L3MBTL4: variants seen among roughly 807,000 people sequenced by gnomAD.
L3MBTL4 encodes the protein L3MBTL histone methyl-lysine binding protein 4.
A neutral mutation model predicts 84.5 loss-of-function variants in L3MBTL4; 70 were observed. The observed-to-expected ratio is 0.83, with a 90% CI of 0.68 to 1.01. L3MBTL4 has a LOEUF of 1.01. Ranked by LOEUF, L3MBTL4 falls within the 50% of genes least tolerant of loss-of-function variation. The pLI is 0.00. For synonymous variants in L3MBTL4, 274 were observed against 259.8 expected (o/e 1.05, Z -0.52); for missense variants, 715 against 754.8 (o/e 0.95, Z 0.62).
intron 1 of L3MBTL4, chr18:6,396,577 T>A (rs1481086377): frequency 1.3e-5 from 2 of 152,260 alleles, no homozygotes; most frequent in East Asian, 3.8e-4. Context: ...TGTGACCATG[T>A]GGAAACCACC....
intron 16 of L3MBTL4, among the ~76,000 whole-genome samples, chr18:5,983,349 T>G (rs2053323143): frequency 6.6e-6 from 1 of 152,190 alleles, no homozygotes; most frequent in South Asian, 2.1e-4. Flanking sequence ...GAGCAAATGC[T>G]TAAAGACTAC....
At chr18:5,986,633 A>G (rs1029516481) in intron 16 of L3MBTL4, among the ~76,000 whole-genome samples, 1 of 152,240 alleles carries the variant, frequency 6.6e-6, no homozygotes. Context: ...TAAAAACAAA[A>G]CCAATAGTTC....
intron 14 of L3MBTL4, among the ~76,000 whole-genome samples, chr18:6,129,104 T>C (rs1430212631): frequency 6.6e-6 from 1 of 152,062 alleles, no homozygotes; most frequent in African/African-American, 2.4e-5. Flanking sequence ...GGGCCCAAAG[T>C]GTTCCCACAG....
intron 4 of L3MBTL4, among the ~76,000 whole-genome samples, chr18:6,283,568 CAT>C (rs1261207004): frequency 1.3e-5 from 2 of 151,292 alleles, no homozygotes; most frequent in Admixed American, 6.6e-5. Context: ...AAAATATGAG[CAT>C]CTACACCAAA....
chr18:6,093,343 G>T lies in L3MBTL4; in HGVS notation c.1373+12C>A. 6.3e-7 allele frequency: 1 copy of T among 1,582,136 alleles called. No individual in the cohort carries two copies. The highest frequency in any genetic ancestry group is 1.2e-5 in the South Asian group (1 of 85,160). The stretch of plus-strand genomic sequence containing the variant: ...TTTACTTTCTGGCTCACATTTTTAA[G>T]AAGTTTCTTACCTGGGCTGACTGTT... On this transcript the variant is annotated intron_variant, in intron 15 of 18. Coordinates refer to ENST00000317931, the MANE Select transcript of L3MBTL4 (RefSeq NM_001330559.2).
At chr18:6,018,423 C>T (rs182017656) in intron 16 of L3MBTL4, among the ~76,000 whole-genome samples, 1 of 152,240 alleles carries the variant, frequency 6.6e-6, no homozygotes, top group East Asian at 1.9e-4. Flanking sequence ...AAGGCTAGAA[C>T]CATGGGAAAT....
At chr18:6,012,844 C>A (rs1255549290) in intron 16 of L3MBTL4, among the ~76,000 whole-genome samples, 1 of 152,082 alleles carries the variant, frequency 6.6e-6, no homozygotes, top group Middle Eastern at 3.2e-3. Flanking sequence ...TCTTGTGGGT[C>A]TGTGCACTTT....
chr18:6,371,793 T>C (rs1030563242), intron 1 of L3MBTL4, among the ~76,000 whole-genome samples: 2 of 152,224 alleles, frequency 1.3e-5, no homozygotes, highest in African/African-American at 4.8e-5. Flanking sequence ...TTGTTCTTGG[T>C]TTCAGAACAC....
intron 7 of L3MBTL4, among the ~76,000 whole-genome samples, chr18:6,242,487 T>A (rs927376841): frequency 1.3e-5 from 2 of 152,144 alleles, no homozygotes. Flanking sequence ...AAGGGCTCCA[T>A]AAATACCTAC....
chr18:6,071,544 G>A (rs2057600055), intron 16 of L3MBTL4, among the ~76,000 whole-genome samples: 1 of 151,522 alleles, frequency 6.6e-6, no homozygotes, highest in Admixed American at 6.6e-5. Flanking sequence ...GCTGAGGTAA[G>A]AGGATTGCTT....
At chr18:6,031,993 TTTGAGACG>T in intron 16 of L3MBTL4, 1 of 368,772 alleles carries the variant, frequency 2.7e-6, no homozygotes, top group South Asian at 1.1e-4. Flanking sequence ...TCTTTTTTTT[TTTGAGACG>T]GAGTCTTGCT....
At chr18:6,148,108 G>C (rs1448693888) in intron 13 of L3MBTL4, among the ~76,000 whole-genome samples, 1 of 152,122 alleles carries the variant, frequency 6.6e-6, no homozygotes, top group Non-Finnish European at 1.5e-5. Flanking sequence ...TTAGGAACAA[G>C]AAAGTGAAGA....
intron 14 of L3MBTL4, among the ~76,000 whole-genome samples, chr18:6,120,604 C>T (rs1395290223): frequency 6.6e-6 from 1 of 152,174 alleles, no homozygotes; most frequent in Non-Finnish European, 1.5e-5. Flanking sequence ...AACATAAACC[C>T]AGAGGCCCCT....
At chr18:6,136,033 G>A (rs2144606432) in intron 14 of L3MBTL4, among the ~76,000 whole-genome samples, 1 of 152,302 alleles carries the variant, frequency 6.6e-6, no homozygotes, top group Non-Finnish European at 1.5e-5. Flanking sequence ...TTACATGGTG[G>A]CAGCAAGGGA....
At chr18:6,365,495 T>C (rs948348950) in intron 1 of L3MBTL4, among the ~76,000 whole-genome samples, 8 of 152,228 alleles carry the variant, frequency 5.3e-5, no homozygotes, top group Non-Finnish European at 8.8e-5. Context: ...ACTGGCCATG[T>C]CCTATTTGAA....
At chr18:6,099,609 G>GATATATAT (rs2058751081) in intron 14 of L3MBTL4, among the ~76,000 whole-genome samples, 1 of 37,070 alleles carries the variant, frequency 2.7e-5, no homozygotes, top group Non-Finnish European at 9.0e-5. Context: ...TATATATATG[G>GATATATAT]AGAGAGAGAG....
intron 1 of L3MBTL4, among the ~76,000 whole-genome samples, chr18:6,358,921 T>G (rs550177208): frequency 5.8e-4 from 89 of 152,366 alleles, no homozygotes; most frequent in Middle Eastern, 6.8e-3. Context: ...TTGTTCCATA[T>G]TCCAGTGGAT....
At chr18:6,166,883 C>T (rs1428818236) in intron 13 of L3MBTL4, among the ~76,000 whole-genome samples, 2 of 151,994 alleles carry the variant, frequency 1.3e-5, no homozygotes, top group Non-Finnish European at 2.9e-5. Context: ...TCAATGAATC[C>T]AGGAGCTGGA....
chr18:6,163,268 GGT>G (rs2043443255), intron 13 of L3MBTL4, among the ~76,000 whole-genome samples: 60 of 89,038 alleles, frequency 6.7e-4, no homozygotes, highest in African/African-American at 1.7e-3. Flanking sequence ...GTGGGGGGGG[GGT>G]GGGTGTGTGT....
Sources: allele counts gnomAD v4.1 joint callset (sites outside exome capture counted in the v4.1 genomes callset), GRCh38; gene constraint gnomAD v4.1.1; transcripts MANE v1.5; gene names NCBI Gene and HGNC (gene_info 2026-07-23, HGNC 2026-07-21).